Variants in ZFAND6 observed in about 807,000 individuals in gnomAD.
ZFAND6 encodes zinc finger AN1-type containing 6.
In ZFAND6, 12 loss-of-function variants were observed where a neutral mutation model predicts 24.5. The observed-to-expected ratio is 0.49, with a 90% CI of 0.31 to 0.79. The LOEUF (loss-of-function observed/expected upper bound fraction) is 0.79, where lower values mean the gene tolerates loss of function less well. Ranked by LOEUF, ZFAND6 falls within the 30% of genes least tolerant of loss-of-function variation. The pLI is 0.04. For synonymous variants in ZFAND6, 92 were observed against 81.5 expected, an observed-to-expected ratio of 1.13 and a Z score of -0.69; for missense variants, 207 against 245.9, an observed-to-expected ratio of 0.84 and a Z score of 1.06.
chr15:80,099,634 T>TTTTTTTTTTCC (rs1555431664), intron 2 of ZFAND6, among the ~76,000 whole-genome samples: 25 of 148,700 alleles, frequency 1.7e-4, no homozygotes, highest in African/African-American at 6.1e-4. Context: ...TTTTTTTTTT[T>TTTTTTTTTTCC]CGAGACGGAG....
At chr15:80,117,537 T>TA (rs1213591167) in intron 2 of ZFAND6, among the ~76,000 whole-genome samples, 2 of 152,352 alleles carry the variant, frequency 1.3e-5, no homozygotes, top group East Asian at 3.9e-4. Flanking sequence ...ACTCAGGTCT[T>TA]AATAACCAGT....
At chr15:80,136,181 C>G (rs751084178) in intron 6 of ZFAND6, among the ~76,000 whole-genome samples, 2 of 151,596 alleles carry the variant, frequency 1.3e-5, no homozygotes, top group African/African-American at 2.4e-5. Context: ...GATAGCCTTT[C>G]TAGGGCTGGG....
At chr15:80,132,097 G>T (rs1349028026) in intron 6 of ZFAND6, among the ~76,000 whole-genome samples, 1 of 152,192 alleles carries the variant, frequency 6.6e-6, no homozygotes, top group Non-Finnish European at 1.5e-5. Flanking sequence ...GTGTACTGCA[G>T]TCCAACAGGA....
chr15:80,112,430 C>G (rs1039915407), intron 2 of ZFAND6, among the ~76,000 whole-genome samples: 3 of 152,020 alleles, frequency 2.0e-5, no homozygotes, highest in African/African-American at 7.2e-5. Context: ...CAGAGTCTTG[C>G]TCTGTTGCCC....
At chr15:80,123,342 A>C (rs1804634397) in intron 5 of ZFAND6, among the ~76,000 whole-genome samples, 1 of 152,188 alleles carries the variant, frequency 6.6e-6, no homozygotes, top group Non-Finnish European at 1.5e-5. Context: ...AAGACTTGAA[A>C]ATTTGTATGA....
At chr15:80,064,906 A>T (rs1826487535) in intron 1 of ZFAND6, among the ~76,000 whole-genome samples, 1 of 151,754 alleles carries the variant, frequency 6.6e-6, no homozygotes, top group Non-Finnish European at 1.5e-5. Context: ...TGCTGGGATT[A>T]CAGGTATGAG....
At chr15:80,126,513 A>G (rs1468007762) in intron 5 of ZFAND6, among the ~76,000 whole-genome samples, 2 of 152,228 alleles carry the variant, frequency 1.3e-5, no homozygotes, top group Non-Finnish European at 2.9e-5. Flanking sequence ...TTGACTTTCA[A>G]CAATGGTGCC....
chr15:80,116,809 T>G (rs992753319), intron 2 of ZFAND6, among the ~76,000 whole-genome samples: 7 of 152,216 alleles, frequency 4.6e-5, no homozygotes, highest in African/African-American at 1.7e-4. Flanking sequence ...TCGTTAGTAT[T>G]AATGTATTTT....
At chr15:80,100,696 C>G (rs1243545649) in intron 2 of ZFAND6, among the ~76,000 whole-genome samples, 1 of 152,138 alleles carries the variant, frequency 6.6e-6, no homozygotes, top group Non-Finnish European at 1.5e-5. Flanking sequence ...GAAATTCTGT[C>G]ATTTGGTTTT....
At chr15:80,082,702 G>A (rs1273654752) in intron 1 of ZFAND6, among the ~76,000 whole-genome samples, 1 of 152,190 alleles carries the variant, frequency 6.6e-6, no homozygotes, top group African/African-American at 2.4e-5. Flanking sequence ...TTATTTTAGT[G>A]AGTGTCAAAG....
At chr15:80,063,253 T>G (rs1567045138) in intron 1 of ZFAND6, among the ~76,000 whole-genome samples, 1 of 152,230 alleles carries the variant, frequency 6.6e-6, no homozygotes, top group Non-Finnish European at 1.5e-5. Context: ...ACGTTTTATG[T>G]AACCCAAAAA....
intron 1 of ZFAND6, among the ~76,000 whole-genome samples, chr15:80,081,073 T>C (rs1032096592): frequency 1.3e-5 from 2 of 152,222 alleles, no homozygotes; most frequent in Non-Finnish European, 2.9e-5. Context: ...GGTTATCTTT[T>C]CTCTGAATGA....
chr15:80,079,343 C>T (rs2037499871), intron 1 of ZFAND6, among the ~76,000 whole-genome samples: 1 of 151,642 alleles, frequency 6.6e-6, no homozygotes, highest in Non-Finnish European at 1.5e-5. Flanking sequence ...GCCTCAGCCT[C>T]CCAAGTAGCT....
At chr15:80,123,669 A>G (rs1290005266) in intron 5 of ZFAND6, among the ~76,000 whole-genome samples, 1 of 152,194 alleles carries the variant, frequency 6.6e-6, no homozygotes. Flanking sequence ...TTGAGAGGCT[A>G]AGGCAGGAGG....
At chr15:80,124,161 C>T (rs141041795) in intron 5 of ZFAND6, among the ~76,000 whole-genome samples, 32 of 152,290 alleles carry the variant, frequency 2.1e-4, no homozygotes, top group African/African-American at 4.6e-4. Flanking sequence ...AGACTGGGCG[C>T]GGTGGCTCAC....
In ZFAND6 at chr15:80,123,644, A is replaced by G. The variant is rs2040243573; in HGVS notation, c.364+844A>G. Among the ~76,000 whole-genome samples, 5 of 152,220 alleles carry G rather than the reference A, an allele frequency of 3.3e-5. No homozygotes were observed. The South Asian group carries it at 6.2e-4, about 19-fold the overall frequency. On this transcript the variant is annotated intron_variant, in intron 5 of 6. Coordinates refer to ENST00000261749, the MANE Select transcript of ZFAND6 (RefSeq NM_019006.4). The stretch of plus-strand genomic sequence containing the variant: ...AGGCCAGGCACTGTGGCTTGTGCCT[A>G]TAATCCCTACCTACTTGAGAGGCTA...
intron 1 of ZFAND6, among the ~76,000 whole-genome samples, chr15:80,094,403 T>C (rs547927376): frequency 6.6e-6 from 1 of 152,284 alleles, no homozygotes. Flanking sequence ...TACACACTGC[T>C]TATGAGAACC....
At chr15:80,064,883 T>G (rs957408937) in intron 1 of ZFAND6, among the ~76,000 whole-genome samples, 2 of 152,070 alleles carry the variant, frequency 1.3e-5, no homozygotes, top group African/African-American at 4.8e-5. Flanking sequence ...TTACCTGCCT[T>G]GGCCTCCCTA....
In ZFAND6 at chr15:80,138,217, G is replaced by T. The variant is rs530652754; in HGVS notation, c.*589G>T. On this transcript the variant is annotated 3_prime_UTR_variant, in exon 7 of 7. Coordinates refer to ENST00000261749, the MANE Select transcript of ZFAND6 (RefSeq NM_019006.4). The stretch of plus-strand genomic sequence containing the variant: ...AGTTTGTGTGTTTAAACTTTTTTTT[G>T]AGCGAGGGAAGAAAAAGCTGTATGC... 6.6e-6 allele frequency: 1 copy of T among 152,460 alleles called. No individual in the cohort carries two copies. The highest frequency in any genetic ancestry group is 2.4e-5 in the African/African-American group (1 of 41,394). The allele number at this position is 152,460 out of a possible 1,614,324, so 9.4% of individuals were successfully genotyped here. A position where few individuals can be genotyped will look rare whatever the true frequency, so the allele number is the denominator to read the frequency against.
Sources: gnomAD v4.1 joint callset for allele counts (sites outside exome capture counted in the v4.1 genomes callset) on GRCh38, gnomAD v4.1.1 for gene constraint, MANE v1.5 for transcripts, NCBI Gene and HGNC (gene_info 2026-07-23, HGNC 2026-07-21) for gene names.